P4HA1: variants seen among roughly 807,000 people sequenced by gnomAD.
P4HA1 encodes the protein prolyl 4-hydroxylase subunit alpha-1.
P4HA1 carries 24 observed loss-of-function variants against 72.8 expected under a neutral mutation model. The observed-to-expected ratio is 0.33, with a 90% CI of 0.24 to 0.46. P4HA1 has a LOEUF of 0.46. Among genes scored for constraint, P4HA1 ranks in the 20% least tolerant of loss-of-function variants. P4HA1 has a pLI of 1.00. For synonymous variants in P4HA1, 201 were observed against 218.8 expected, an observed-to-expected ratio of 0.92 and a Z score of 0.72; for missense variants, 446 against 640.6, an observed-to-expected ratio of 0.70 and a Z score of 3.28.
intron 7 of P4HA1, 105 bp from the exon 8 acceptor site, chr10:73,047,206 T>A (rs1235032146): frequency 1.2e-6 from 1 of 833,360 alleles, no homozygotes; most frequent in Non-Finnish European, 1.9e-6. Context: ...ATATACAGAG[T>A]ATCTCTGGAA....
At chr10:73,070,751 G>A (rs1368559356) in intron 4 of P4HA1, among the ~76,000 whole-genome samples, 1 of 152,024 alleles carries the variant, frequency 6.6e-6, no homozygotes, top group East Asian at 1.9e-4. Flanking sequence ...AAAATTCTAA[G>A]AAAAATTAAA....
At chr10:73,088,321 A>T (rs1841963404) in intron 1 of P4HA1, among the ~76,000 whole-genome samples, 1 of 152,178 alleles carries the variant, frequency 6.6e-6, no homozygotes, top group Non-Finnish European at 1.5e-5. Flanking sequence ...CTTTTGTCCC[A>T]CATCTGGGTA....
chr10:73,025,450 T>C (rs1230260185), intron 10 of P4HA1, among the ~76,000 whole-genome samples: 2 of 152,126 alleles, frequency 1.3e-5, no homozygotes, highest in African/African-American at 4.8e-5. Flanking sequence ...AACTAGGTAT[T>C]GATGGAACAT....
chr10:73,054,126 G>A (rs1054304845), intron 5 of P4HA1, among the ~76,000 whole-genome samples: 2 of 151,970 alleles, frequency 1.3e-5, no homozygotes, highest in Non-Finnish European at 2.9e-5. Flanking sequence ...GGCTGGTCTC[G>A]AACTCCTGAT....
intron 9 of P4HA1, among the ~76,000 whole-genome samples, chr10:73,031,545 GC>G (rs1840433523): frequency 6.6e-6 from 1 of 151,958 alleles, no homozygotes; most frequent in South Asian, 2.1e-4. Context: ...AGATACAAAG[GC>G]CACATGTTAT....
chr10:73,052,983 A>T (rs1408392670), intron 6 of P4HA1, among the ~76,000 whole-genome samples: 1 of 152,356 alleles, frequency 6.6e-6, no homozygotes, highest in South Asian at 2.1e-4. Context: ...TTTTCAGCCC[A>T]TCTATTTTAA....
chr10:73,016,563 G>A lies in P4HA1; in HGVS notation c.1302+283C>T, dbSNP rs551229812. Among the ~76,000 whole-genome samples the A allele has an allele frequency of 4.6e-5, 7 of 152,296 alleles. No homozygotes were observed. The East Asian group carries it at 7.7e-4, about 17-fold the overall frequency. On this transcript the variant is annotated intron_variant, in intron 11 of 14. Transcript: ENST00000394890. ...AGGCTGAGGTGGGTGGATCACCTGA[G>A]GTCAGAAGTTCAAGACCAGCCTGGC...
At chr10:73,078,235 C>T (rs909294098) in intron 1 of P4HA1, among the ~76,000 whole-genome samples, 2 of 152,030 alleles carry the variant, frequency 1.3e-5, no homozygotes, top group Non-Finnish European at 2.9e-5. Flanking sequence ...GTTAGCTCAA[C>T]AAAAAATGCT....
intron 10 of P4HA1, among the ~76,000 whole-genome samples, chr10:73,019,953 G>A (rs1840097118): frequency 6.6e-6 from 1 of 151,940 alleles, no homozygotes; most frequent in Non-Finnish European, 1.5e-5. Context: ...TCCAAAAGGA[G>A]AAGAAAGGTA....
intron 9 of P4HA1, among the ~76,000 whole-genome samples, chr10:73,032,350 C>G (rs1335965473): frequency 6.6e-6 from 1 of 152,176 alleles, no homozygotes; most frequent in African/African-American, 2.4e-5. Context: ...ATTGCTCTTG[C>G]TAATCTTACC....
At chr10:73,081,925 A>G (rs1239443076) in intron 1 of P4HA1, among the ~76,000 whole-genome samples, 1 of 152,194 alleles carries the variant, frequency 6.6e-6, no homozygotes. Context: ...CTGAGGCAGA[A>G]GAATCGCCTG....
intron 1 of P4HA1, among the ~76,000 whole-genome samples, chr10:73,075,801 C>T (rs1438076700): frequency 6.6e-6 from 1 of 151,622 alleles, no homozygotes; most frequent in African/African-American, 2.4e-5. Context: ...AAACTCCTGA[C>T]CTCAGGTGAT....
At chr10:73,059,424 TAAAAAAAAAAAA>T (rs920360586) in intron 5 of P4HA1, among the ~76,000 whole-genome samples, 918 of 24,104 alleles carry the variant, frequency 0.038, 38 homozygotes, top group Admixed American at 0.16. Context: ...ACAATATATT[TAAAAAAAAAAAA>T]AAAAAAAAAA....
At chr10:73,030,954 T>G (rs370552071) in intron 9 of P4HA1, among the ~76,000 whole-genome samples, 1 of 152,208 alleles carries the variant, frequency 6.6e-6, no homozygotes, top group Admixed American at 6.5e-5. Flanking sequence ...GAAAACAGTT[T>G]GGTAGTTGCT....
intron 2 of P4HA1, 43 bp downstream of exon 2, chr10:73,074,765 A>G: frequency 9.6e-7 from 1 of 1,047,030 alleles, no homozygotes; most frequent in Admixed American, 1.8e-5. Flanking sequence ...ATGGAAATTA[A>G]AAAATGCAAA....
chr10:73,094,000 C>T (rs572800058), intron 1 of P4HA1, among the ~76,000 whole-genome samples: 1 of 144,194 alleles, frequency 6.9e-6, no homozygotes, highest in East Asian at 2.1e-4. Flanking sequence ...GGTTTAATTA[C>T]AAGATTCAAG....
At chr10:73,048,590 A>G (rs1263943936) in intron 7 of P4HA1, among the ~76,000 whole-genome samples, 1 of 152,088 alleles carries the variant, frequency 6.6e-6, no homozygotes, top group African/African-American at 2.4e-5. Flanking sequence ...TCTTAGGCAA[A>G]GTTGAGTATG....
chr10:73,081,642 C>G (rs1232341029), intron 1 of P4HA1, among the ~76,000 whole-genome samples: 1 of 152,148 alleles, frequency 6.6e-6, no homozygotes, highest in African/African-American at 2.4e-5. Flanking sequence ...CTTAAAAGTT[C>G]TACCATATAG....
chr10:73,057,059 C>CG (rs1201869835), intron 5 of P4HA1, among the ~76,000 whole-genome samples: 11 of 122,092 alleles, frequency 9.0e-5, no homozygotes, highest in African/African-American at 3.6e-4. Context: ...GACGCTGTCT[C>CG]GAAAAAAAAA....
Sources: allele counts gnomAD v4.1 joint callset (sites outside exome capture counted in the v4.1 genomes callset), GRCh38; gene constraint gnomAD v4.1.1; transcripts MANE v1.5; gene names NCBI Gene and HGNC (gene_info 2026-07-23, HGNC 2026-07-21).